UGT1A5: variants seen among roughly 807,000 people sequenced by gnomAD.
UGT1A5 encodes the protein UDP glucuronosyltransferase family 1 member A5.
UGT1A5 carries 29 observed loss-of-function variants against 40.3 expected under a neutral mutation model. That is an observed-to-expected ratio of 0.72 (90% CI 0.54 to 0.98). UGT1A5 has a LOEUF of 0.98. Ranked by LOEUF, UGT1A5 falls within the 50% of genes least tolerant of loss-of-function variation. UGT1A5 has a pLI of 0.00. For synonymous variants in UGT1A5, 257 were observed against 262.5 expected, an observed-to-expected ratio of 0.98 and a Z score of 0.20; for missense variants, 678 against 677.9, an observed-to-expected ratio of 1.00 and a Z score of 0.00.
At chr2:233,732,713 G>A (rs556397438) in intron 1 of UGT1A5, among the ~76,000 whole-genome samples, 41 of 149,102 alleles carry the variant, frequency 2.7e-4, no homozygotes, top group African/African-American at 1.0e-3. Flanking sequence ...CTGTAGCCTT[G>A]TAGTACAGTT....
chr2:233,735,127 C>T (rs965773877), intron 1 of UGT1A5, among the ~76,000 whole-genome samples: 26 of 152,130 alleles, frequency 1.7e-4, no homozygotes, highest in Non-Finnish European at 2.9e-5. Flanking sequence ...TAAAGTCTCT[C>T]ATTATTATTG....
At chr2:233,734,900 C>T (rs1027588472) in intron 1 of UGT1A5, among the ~76,000 whole-genome samples, 1 of 152,158 alleles carries the variant, frequency 6.6e-6, no homozygotes, top group Admixed American at 6.5e-5. Flanking sequence ...GATTTCTATT[C>T]TTTTACATTT....
chr2:233,769,853 G>A lies in UGT1A5; in HGVS notation c.1307+1414G>A. 2 of 388,620 alleles carry A rather than the reference G, an allele frequency of 5.1e-6. No homozygotes were observed. The highest frequency in any genetic ancestry group is 7.0e-5 in the South Asian group (1 of 14,300). The allele number at this position is 388,620 out of a possible 1,614,324, so 24.1% of individuals were successfully genotyped here. A position where few individuals can be genotyped will look rare whatever the true frequency, so the allele number is the denominator to read the frequency against. ...AACCTGGGCAACAGAGTGAGACCCT[G>A]TCTCAAAAAAAAAAAAAAAAATGAA... is the stretch of plus-strand genomic sequence containing the variant. On this transcript the variant is annotated intron_variant, in intron 4 of 4. Transcript: ENST00000373414. This position sits in a 1 kb window ranked among gnomAD's most constrained non-coding sequence, Gnocchi z 4.4.
chr2:233,718,954 G>A (rs766332804), intron 1 of UGT1A5: 15 of 1,614,094 alleles, frequency 9.3e-6, no homozygotes, highest in East Asian at 6.7e-5. Context: ...CTCAGCATGC[G>A]GGAGGCCTTG....
chr2:233,729,082 G>T (rs2077787378), intron 1 of UGT1A5: 1 of 1,612,130 alleles, frequency 6.2e-7, no homozygotes, highest in Admixed American at 1.7e-5. Flanking sequence ...AATGTAGCAG[G>T]CACAGCGTGG....
chr2:233,731,857 C>T lies in UGT1A5; in HGVS notation c.867+17999C>T, dbSNP rs191763365. On this transcript the variant is annotated intron_variant, in intron 1 of 4. Transcript: ENST00000373414. ...TAGTTCTAGGTCCTTGAGGAATCGC[C>T]ACACTGTCTTCCACAATGGTTGAAC... Among the ~76,000 whole-genome samples, 286 of 152,314 alleles carry T rather than the reference C, an allele frequency of 1.9e-3. 1 individual carries two copies. In the South Asian group the frequency reaches 0.02, roughly 10 times the overall value.
chr2:233,719,691 T>C (rs1369950674), intron 1 of UGT1A5: 1 of 1,614,102 alleles, frequency 6.2e-7, no homozygotes, highest in East Asian at 2.2e-5. Flanking sequence ...ATCTCAGGTC[T>C]GTATTGGTGC....
At chr2:233,767,784 A>T in intron 2 of UGT1A5, 65 bp from the exon 3 acceptor site, 1 of 1,613,694 alleles carries the variant, frequency 6.2e-7, no homozygotes. Context: ...TAGTTAGTAT[A>T]GCAGATTTGT....
At chr2:233,736,574 T>G (rs2078777492) in intron 1 of UGT1A5, among the ~76,000 whole-genome samples, 2 of 152,254 alleles carry the variant, frequency 1.3e-5, no homozygotes, top group South Asian at 4.1e-4. Flanking sequence ...GCTGTGATCC[T>G]TTGGAGGAGA....
At chr2:233,763,986 C>T (rs923828078) in intron 1 of UGT1A5, among the ~76,000 whole-genome samples, 3 of 152,116 alleles carry the variant, frequency 2.0e-5, no homozygotes, top group Non-Finnish European at 4.4e-5. Context: ...ACTGGGAATG[C>T]GTGATGGTGA....
intron 1 of UGT1A5, among the ~76,000 whole-genome samples, chr2:233,724,367 G>T (rs1413054411): frequency 2.0e-5 from 3 of 147,986 alleles, no homozygotes; most frequent in Admixed American, 1.3e-4. Context: ...CCCGGACGGG[G>T]TGGCTGCCGG....
intron 1 of UGT1A5, among the ~76,000 whole-genome samples, chr2:233,724,344 CCCCCA>C (rs2077230928): frequency 6.9e-6 from 1 of 144,984 alleles, no homozygotes; most frequent in East Asian, 2.2e-4. Flanking sequence ...GGGCTGACCC[CCCCCA>C]CCTCCCTCCC....
intron 1 of UGT1A5, among the ~76,000 whole-genome samples, chr2:233,736,572 C>T (rs1006388510): frequency 1.3e-5 from 2 of 152,202 alleles, no homozygotes; most frequent in Non-Finnish European, 2.9e-5. Flanking sequence ...GAGCTGTGAT[C>T]CTTTGGAGGA....
At chr2:233,737,905 A>C (rs1690628626) in intron 1 of UGT1A5, among the ~76,000 whole-genome samples, 1 of 152,094 alleles carries the variant, frequency 6.6e-6, no homozygotes. Flanking sequence ...AGTGTGGTAA[A>C]GAACAGGCTA....
chr2:233,752,826 C>T (rs372866711), intron 1 of UGT1A5, among the ~76,000 whole-genome samples: 1 of 152,184 alleles, frequency 6.6e-6, no homozygotes, highest in East Asian at 1.9e-4. Context: ...TTTATGACAT[C>T]AGTAATCTAG....
intron 1 of UGT1A5, chr2:233,752,519 T>C (rs1480791131): frequency 6.6e-6 from 1 of 152,208 alleles, no homozygotes; most frequent in East Asian, 1.9e-4. Context: ...ATTTTTCAAT[T>C]CTAAAAATTC....
chr2:233,757,096 G>T (rs1286563968), intron 1 of UGT1A5, among the ~76,000 whole-genome samples: 1 of 151,374 alleles, frequency 6.6e-6, no homozygotes, highest in Non-Finnish European at 1.5e-5. Flanking sequence ...GAGGCAGAGG[G>T]AGGGGGCAAG....
At chr2:233,749,258 T>A (rs1694154027) in intron 1 of UGT1A5, among the ~76,000 whole-genome samples, 1 of 151,972 alleles carries the variant, frequency 6.6e-6, no homozygotes, top group African/African-American at 2.4e-5. Flanking sequence ...ATTTTTTTAT[T>A]GGTGATTTTC....
At chr2:233,753,385 T>G (rs1695193775) in intron 1 of UGT1A5, 2 of 152,290 alleles carry the variant, frequency 1.3e-5, no homozygotes, top group South Asian at 4.1e-4. Flanking sequence ...GATTGGACTC[T>G]GAGGGTACTA....
Sources: gnomAD v4.1 joint callset for allele counts (sites outside exome capture counted in the v4.1 genomes callset) on GRCh38, gnomAD v4.1.1 for gene constraint, Gnocchi (gnomAD v3.1) non-coding constraint, MANE v1.5 for transcripts, NCBI Gene and HGNC (gene_info 2026-07-23, HGNC 2026-07-21) for gene names.